The following LDLRAD3 variants were observed in gnomAD, a reference collection of about 807,000 sequenced individuals.
The protein encoded by LDLRAD3 is low density lipoprotein receptor class A domain containing 3.
Under a neutral mutation model 29.4 loss-of-function variants are expected in LDLRAD3, and 20 were observed. That is an observed-to-expected ratio of 0.68 (90% CI 0.48 to 0.99). The LOEUF (loss-of-function observed/expected upper bound fraction) is 0.99. Among genes scored for constraint, LDLRAD3 ranks in the 50% least tolerant of loss-of-function variants. The pLI is 0.00. For missense variants in LDLRAD3, 420 were observed against 454.3 expected (o/e 0.92, Z 0.69); for synonymous variants, 157 against 192.7 (o/e 0.81, Z 1.53).
At chr11:36,071,954 G>A (rs554090080) in intron 2 of LDLRAD3, among the ~76,000 whole-genome samples, 61 of 152,324 alleles carry the variant, frequency 4.0e-4, no homozygotes, top group Non-Finnish European at 7.1e-4. Flanking sequence ...ACTTCCCCAC[G>A]TGGTGGCAAT....
chr11:36,209,973 A>G (rs1008888320), intron 4 of LDLRAD3, among the ~76,000 whole-genome samples: 1 of 152,280 alleles, frequency 6.6e-6, no homozygotes, highest in African/African-American at 2.4e-5. Context: ...GCCCATGGCT[A>G]GGAGAGAGAT....
chr11:36,147,196 C>A (rs1854209830), intron 4 of LDLRAD3, among the ~76,000 whole-genome samples: 1 of 144,166 alleles, frequency 6.9e-6, no homozygotes, highest in Non-Finnish European at 1.5e-5. Context: ...CGGCTCACTG[C>A]AAGCTCCGCC....
intron 1 of LDLRAD3, among the ~76,000 whole-genome samples, chr11:35,996,061 A>G (rs1169027600): frequency 2.0e-5 from 3 of 152,238 alleles, no homozygotes; most frequent in Non-Finnish European, 4.4e-5. Flanking sequence ...TTCCTTTAAG[A>G]ACTTTTCCTT....
At chr11:36,203,318 T>G (rs1855155137) in intron 4 of LDLRAD3, among the ~76,000 whole-genome samples, 1 of 152,112 alleles carries the variant, frequency 6.6e-6, no homozygotes, top group African/African-American at 2.4e-5. Context: ...AAACACCTCA[T>G]GAGATGCATG....
At chr11:35,977,814 G>A (rs977687162) in intron 1 of LDLRAD3, among the ~76,000 whole-genome samples, 2 of 152,096 alleles carry the variant, frequency 1.3e-5, no homozygotes, top group Non-Finnish European at 2.9e-5. Flanking sequence ...GCCCTTTCAG[G>A]CCTCTTTCAT....
At chr11:36,144,708 G>A (rs1432503382) in intron 4 of LDLRAD3, among the ~76,000 whole-genome samples, 3 of 130,752 alleles carry the variant, frequency 2.3e-5, no homozygotes, top group African/African-American at 2.9e-5. Context: ...ACCCCGTCTG[G>A]GAAGTGAGGA....
chr11:36,109,990 T>C (rs1344391076), intron 4 of LDLRAD3: 1 of 152,196 alleles, frequency 6.6e-6, no homozygotes, highest in African/African-American at 2.4e-5. Context: ...CCACTTTTAA[T>C]TTAGAGTTTG....
chr11:36,017,309 C>T (rs1852035754), intron 1 of LDLRAD3, among the ~76,000 whole-genome samples: 1 of 152,146 alleles, frequency 6.6e-6, no homozygotes, highest in Non-Finnish European at 1.5e-5. Context: ...AAAGCTTTGG[C>T]TAACTTTCTC....
intron 4 of LDLRAD3, among the ~76,000 whole-genome samples, chr11:36,130,821 TCTA>T (rs1357692105): frequency 1.3e-5 from 2 of 152,298 alleles, no homozygotes; most frequent in Admixed American, 1.3e-4. Context: ...CCAGGTTCAC[TCTA>T]CTGGAAGGAG....
intron 2 of LDLRAD3, among the ~76,000 whole-genome samples, chr11:36,068,438 A>C (rs796738716): frequency 1.1e-4 from 16 of 152,274 alleles, no homozygotes; most frequent in African/African-American, 3.8e-4. Context: ...ACAGATGGGG[A>C]CGCTGAGGCT....
chr11:36,168,285 T>C (rs1305070947), intron 4 of LDLRAD3, among the ~76,000 whole-genome samples: 1 of 152,156 alleles, frequency 6.6e-6, no homozygotes, highest in East Asian at 1.9e-4. Flanking sequence ...ATGCATGATA[T>C]AACCTCCTGG....
At chr11:36,134,091 T>C (rs1011842626) in intron 4 of LDLRAD3, among the ~76,000 whole-genome samples, 1 of 151,982 alleles carries the variant, frequency 6.6e-6, no homozygotes, top group African/African-American at 2.4e-5. Flanking sequence ...ACATCAGACA[T>C]TTGGATGGGC....
At chr11:36,013,967 T>A (rs1196357133) in intron 1 of LDLRAD3, among the ~76,000 whole-genome samples, 1 of 152,160 alleles carries the variant, frequency 6.6e-6, no homozygotes, top group Non-Finnish European at 1.5e-5. Context: ...CCCCCTTTTT[T>A]TTCCTCAAAA....
intron 4 of LDLRAD3, among the ~76,000 whole-genome samples, chr11:36,106,077 G>T (rs1190665654): frequency 3.3e-5 from 5 of 152,198 alleles, no homozygotes; most frequent in Non-Finnish European, 7.3e-5. Context: ...CCCTTGGCAG[G>T]GAGAGCTGGA....
chr11:35,969,026 G>A (rs577746141), intron 1 of LDLRAD3, among the ~76,000 whole-genome samples: 2 of 152,282 alleles, frequency 1.3e-5, no homozygotes, highest in East Asian at 1.9e-4. Flanking sequence ...TCAGAGTCAC[G>A]ATTTTATACA....
At chr11:36,176,478 C>T (rs747070045) in intron 4 of LDLRAD3, among the ~76,000 whole-genome samples, 1 of 150,530 alleles carries the variant, frequency 6.6e-6, no homozygotes, top group Non-Finnish European at 1.5e-5. Flanking sequence ...AAATTTAGAA[C>T]TCCTTTTAGC....
chr11:36,217,198 C>G (rs1382124741), intron 4 of LDLRAD3, among the ~76,000 whole-genome samples: 1 of 152,102 alleles, frequency 6.6e-6, no homozygotes, highest in Non-Finnish European at 1.5e-5. Context: ...AGTTTTGACT[C>G]TGTCTGTAAG....
At chr11:36,147,643 C>G (rs1324913543) in intron 4 of LDLRAD3, among the ~76,000 whole-genome samples, 1 of 152,210 alleles carries the variant, frequency 6.6e-6, no homozygotes, top group African/African-American at 2.4e-5. Flanking sequence ...AAGTTATTAA[C>G]AATTCCTAAA....
chr11:36,008,879 A>G (rs1442665438), intron 1 of LDLRAD3, among the ~76,000 whole-genome samples: 1 of 152,228 alleles, frequency 6.6e-6, no homozygotes, highest in Non-Finnish European at 1.5e-5. Context: ...TTTTAAAAAC[A>G]TGTTTTTACA....
Sources: allele counts gnomAD v4.1 joint callset (sites outside exome capture counted in the v4.1 genomes callset), GRCh38; gene constraint gnomAD v4.1.1; transcripts MANE v1.5; gene names NCBI Gene and HGNC (gene_info 2026-07-23, HGNC 2026-07-21).